The following PIK3AP1 variants were observed in gnomAD, a reference collection of about 807,000 sequenced individuals.
The protein encoded by PIK3AP1 is phosphoinositide-3-kinase adaptor protein 1.
A neutral mutation model predicts 88.1 loss-of-function variants in PIK3AP1; 21 were observed. The observed-to-expected ratio is 0.24, with a 90% CI of 0.17 to 0.34. The LOEUF (loss-of-function observed/expected upper bound fraction) is 0.34. Among genes scored for constraint, PIK3AP1 ranks in the 10% least tolerant of loss-of-function variants. The probability of loss-of-function intolerance (pLI) is 1.00; values close to 1 mark genes in which losing one functional copy is unlikely to be tolerated. For missense variants in PIK3AP1, 828 were observed against 1,035.7 expected (o/e 0.80, Z 2.75); for synonymous variants, 398 against 400.0 (o/e 1.00, Z 0.06).
chr10:96,638,675 G>C (rs930331756), intron 8 of PIK3AP1, among the ~76,000 whole-genome samples: 5 of 152,244 alleles, frequency 3.3e-5, no homozygotes, highest in Admixed American at 1.3e-4. Flanking sequence ...ATGCAGGAGT[G>C]AGTCTATGGG....
chr10:96,662,533 G>A lies in PIK3AP1; in HGVS notation c.431-5599C>T, dbSNP rs932512228. On this transcript the variant is annotated intron_variant, in intron 2 of 16. Transcript: ENST00000339364. The stretch of plus-strand genomic sequence containing the variant: ...CAGGAGAATTGCTTGAACCCAGGAG[G>A]CAGAGATTGCAGTGAGCCAAGATCG... Among the ~76,000 whole-genome samples, 6 of 150,648 alleles carry A rather than the reference G, an allele frequency of 4.0e-5. 1 individual carries two copies. The highest frequency in any genetic ancestry group is 7.3e-5 in the African/African-American group (3 of 40,856).
chr10:96,701,034 G>A, intron 2 of PIK3AP1: 1 of 237,110 alleles, frequency 4.2e-6, no homozygotes, highest in Non-Finnish European at 6.9e-6. Context: ...CACCAGGCAT[G>A]GAGCAAAGCT....
At chr10:96,647,913 G>A (rs1843482199) in intron 7 of PIK3AP1, among the ~76,000 whole-genome samples, 2 of 152,122 alleles carry the variant, frequency 1.3e-5, no homozygotes, top group South Asian at 4.1e-4. Context: ...GCAATATTGG[G>A]GCATGGAATA....
intron 16 of PIK3AP1, among the ~76,000 whole-genome samples, chr10:96,599,608 G>T (rs754672612): frequency 6.6e-5 from 10 of 152,152 alleles, no homozygotes; most frequent in African/African-American, 2.4e-4. Flanking sequence ...TCTGACAGTG[G>T]AGTCTAGGAC....
At chr10:96,614,783 C>A (rs1184799016) in intron 13 of PIK3AP1, among the ~76,000 whole-genome samples, 1 of 152,156 alleles carries the variant, frequency 6.6e-6, no homozygotes, top group Non-Finnish European at 1.5e-5. Flanking sequence ...AAATAGTTTC[C>A]TGAAACTGAC....
At chr10:96,606,062 G>A (rs1411867234) in intron 14 of PIK3AP1, among the ~76,000 whole-genome samples, 3 of 152,170 alleles carry the variant, frequency 2.0e-5, no homozygotes, top group Non-Finnish European at 2.9e-5. Flanking sequence ...CAGCCTGGGC[G>A]ACAGAGTGAG....
Position 96,595,363 on chromosome 10 carries a change from G to T in PIK3AP1, c.*214C>A, listed in dbSNP as rs1589473271. The T allele has an allele frequency of 3.5e-6, 2 of 575,842 alleles. No homozygotes were observed. The highest frequency in any genetic ancestry group is 5.9e-5 in the East Asian group (2 of 34,148). 35.7% of individuals were successfully genotyped at this position (575,842 alleles called of 1,614,324 possible). A position where few individuals can be genotyped will look rare whatever the true frequency, so the allele number is the denominator to read the frequency against. ...ACAAGTATATGGTTCGATATACTTG[G>T]TGATGGTGAATGAAGCCCTTAGTTT... On this transcript the variant is annotated 3_prime_UTR_variant, in exon 17 of 17. Coordinates refer to ENST00000339364, the MANE Select transcript of PIK3AP1 (RefSeq NM_152309.3).
At chr10:96,718,886 CT>C (rs905298128) in intron 1 of PIK3AP1, among the ~76,000 whole-genome samples, 1 of 152,114 alleles carries the variant, frequency 6.6e-6, no homozygotes, top group African/African-American at 2.4e-5. Flanking sequence ...CTCTGGCCTA[CT>C]CCCTTTCCTT....
intron 8 of PIK3AP1, among the ~76,000 whole-genome samples, chr10:96,635,597 T>A (rs1422798292): frequency 6.6e-6 from 1 of 152,194 alleles, no homozygotes; most frequent in Non-Finnish European, 1.5e-5. Flanking sequence ...AGGCACTCAA[T>A]ACTGGCCAAC....
intron 13 of PIK3AP1, among the ~76,000 whole-genome samples, chr10:96,611,637 T>C (rs1849111945): frequency 6.6e-6 from 1 of 152,086 alleles, no homozygotes; most frequent in Non-Finnish European, 1.5e-5. Context: ...GCCCAGCTCA[T>C]TTTTGCATTT....
intron 2 of PIK3AP1, among the ~76,000 whole-genome samples, chr10:96,658,708 T>C (rs1158585189): frequency 6.6e-6 from 1 of 152,130 alleles, no homozygotes; most frequent in African/African-American, 2.4e-5. Flanking sequence ...CTTGCCACTA[T>C]TCCCCCTCCA....
intron 12 of PIK3AP1, among the ~76,000 whole-genome samples, chr10:96,618,048 C>A (rs555122388): frequency 6.6e-6 from 1 of 152,298 alleles, no homozygotes; most frequent in African/African-American, 2.4e-5. Context: ...TGTCTCCACA[C>A]CACCAGCCCC....
At chr10:96,674,523 CT>C (rs1843890239) in intron 2 of PIK3AP1, among the ~76,000 whole-genome samples, 1 of 152,240 alleles carries the variant, frequency 6.6e-6, no homozygotes, top group Non-Finnish European at 1.5e-5. Context: ...CCAAATTTTT[CT>C]TCTACTAGAC....
chr10:96,597,374 CTCTT>C (rs1332565836), intron 16 of PIK3AP1, among the ~76,000 whole-genome samples: 4 of 9,912 alleles, frequency 4.0e-4, no homozygotes, highest in African/African-American at 7.4e-4. Context: ...CTCTCTCTCT[CTCTT>C]TCTTTCTTTC....
At chr10:96,666,276 G>A (rs759003564) in intron 2 of PIK3AP1, among the ~76,000 whole-genome samples, 4 of 151,894 alleles carry the variant, frequency 2.6e-5, no homozygotes, top group Non-Finnish European at 4.4e-5. Context: ...AAAATTAGCC[G>A]GGCGTGGTAG....
In PIK3AP1 at chr10:96,623,537, A is replaced by T; in HGVS notation, c.1670T>A (p.Val557Asp). The T allele has an allele frequency of 6.3e-7, 1 of 1,598,956 alleles. No homozygotes were observed. Among genetic ancestry groups the T allele is most frequent in the Non-Finnish European group, 8.6e-7 (1 of 1,167,190 alleles). ...LPDNEPYIFK[V>D]FAEKSQERPG... Reference sequence around the variant, plus strand: ...CCGCTCTTGACTTTTTTCTGCAAAAACTATGAGATAAAGAATATTCTGATT... The same window carrying T: ...CCGCTCTTGACTTTTTTCTGCAAAATCTATGAGATAAAGAATATTCTGATT... The change falls in exon 11 of 17, where the codon GTT (valine) becomes GAT (aspartate). Residue 557 changes from valine (V) to aspartate (D), a missense_variant and splice_region_variant. Physicochemically the swap from Val to Asp is radical, Grantham distance 152. Transcript: ENST00000339364.
chr10:96,594,176 T>TA lies in PIK3AP1; in HGVS notation c.*1400dup, dbSNP rs1478409854. 1 of 152,174 alleles carries TA rather than the reference T, an allele frequency of 6.6e-6. No homozygotes were observed. Among genetic ancestry groups the TA allele is most frequent in the African/African-American group, 2.4e-5 (1 of 41,438 alleles). 9.4% of individuals were successfully genotyped at this position (152,174 alleles called of 1,614,324 possible). A position where few individuals can be genotyped will look rare whatever the true frequency, so the allele number is the denominator to read the frequency against. On this transcript the variant is annotated 3_prime_UTR_variant, in exon 17 of 17. Transcript: ENST00000339364. The surrounding 1 kb of genome is among the most constrained non-coding windows in gnomAD (Gnocchi z 4.6). ...TCCATATTCCATGCAAAAATGGACTTACTGAGCATGGTGGTAATAATAAGT... is the reference window on the plus strand; with the variant it reads ...TCCATATTCCATGCAAAAATGGACTTAACTGAGCATGGTGGTAATAATAAGT...
intron 14 of PIK3AP1, among the ~76,000 whole-genome samples, chr10:96,607,322 C>G (rs1445496504): frequency 6.6e-6 from 1 of 152,166 alleles, no homozygotes; most frequent in Non-Finnish European, 1.5e-5. Context: ...GGGCAAGTTG[C>G]CTACCCTTTC....
Position 96,658,896 on chromosome 10 carries a change from C to T in PIK3AP1, c.431-1962G>A, listed in dbSNP as rs546837657. ...TCAGAACCATCGGTCTCCTCCAACT[C>T]TCCTTTCTAATTCTCCTGGCTCTCC... is the stretch of plus-strand genomic sequence containing the variant. On this transcript the variant is annotated intron_variant, in intron 2 of 16. Coordinates refer to ENST00000339364, the MANE Select transcript of PIK3AP1 (RefSeq NM_152309.3). Among the ~76,000 whole-genome samples the T allele has an allele frequency of 2.2e-4, 33 of 152,282 alleles. 1 individual carries two copies. The South Asian group carries it at 6.8e-3, about 32-fold the overall frequency.
Sources: allele counts gnomAD v4.1 joint callset (sites outside exome capture counted in the v4.1 genomes callset), GRCh38; gene constraint gnomAD v4.1.1; non-coding constraint Gnocchi (gnomAD v3.1); transcripts MANE v1.5; gene names NCBI Gene and HGNC (gene_info 2026-07-23, HGNC 2026-07-21).